The following SLC47A2 variants were observed in gnomAD, a reference collection of about 807,000 sequenced individuals.
SLC47A2 encodes multidrug and toxin extrusion protein 2.
A neutral mutation model predicts 67.7 loss-of-function variants in SLC47A2; 52 were observed. That is an observed-to-expected ratio of 0.77 (90% confidence interval 0.61 to 0.97). SLC47A2 has a LOEUF of 0.97. Among genes scored for constraint, SLC47A2 ranks in the 50% least tolerant of loss-of-function variants. SLC47A2 has a pLI of 0.00. For missense variants in SLC47A2, 676 were observed against 712.3 expected (o/e 0.95, Z 0.58); for synonymous variants, 278 against 292.9 (o/e 0.95, Z 0.52).
intron 7 of SLC47A2, 83 bp downstream of exon 7, chr17:19,708,219 T>G (rs1046682579): frequency 1.9e-5 from 28 of 1,493,796 alleles, no homozygotes; most frequent in Non-Finnish European, 2.4e-5. Context: ...AGGGCCAGGA[T>G]GGTGACTGAT....
At position 19,703,176 on chromosome 17, in the gene SLC47A2, G is replaced by C. The variant is rs200226278; in HGVS notation, c.1019-9C>G. On this transcript the variant is annotated splice_polypyrimidine_tract_variant and intron_variant, in intron 11 of 16. Coordinates refer to ENST00000433844, the MANE Select transcript of SLC47A2 (RefSeq NM_001099646.3). ...GACCAGGGAAATGCCAACTGGAAGA[G>C]ACAAAAGGTGCAGCAATGACAGACC... 6.2e-7 allele frequency: 1 copy of C among 1,613,942 alleles called. No homozygotes were observed. The highest frequency in any genetic ancestry group is 8.5e-7 in the Non-Finnish European group (1 of 1,179,888).
In SLC47A2 at chr17:19,706,661, C is replaced by A. The variant is rs1227095242; in HGVS notation, c.828G>T (p.Gly276=). ...TCTTCCACGTACCCATGAGGAAGCT[C>A]CCGATCTCATAGGCCCACCACTCAA... ...ICVEWWAYEI[G]SFLMGLLSVV... Residue 276 remains glycine (G), a synonymous_variant, in exon 9 of 17, where the codon GGG becomes GGT. Coordinates refer to ENST00000433844, the MANE Select transcript of SLC47A2 (RefSeq NM_001099646.3). 1.9e-6 allele frequency: 3 copies of A among 1,601,900 alleles called. No homozygotes were observed. Among genetic ancestry groups the A allele is most frequent in the Admixed American group, 1.8e-5 (1 of 56,916 alleles).
intron 13 of SLC47A2, among the ~76,000 whole-genome samples, chr17:19,698,093 T>G (rs769261679): frequency 6.6e-6 from 1 of 152,130 alleles, no homozygotes; most frequent in Non-Finnish European, 1.5e-5. Flanking sequence ...TTGTAGATAT[T>G]GACAAACTGA....
chr17:19,713,910 G>A lies in SLC47A2; in HGVS notation c.358C>T (p.Leu120Phe), dbSNP rs779160834. The A allele has an allele frequency of 6.2e-7, 1 of 1,613,874 alleles. No homozygotes were observed. Among genetic ancestry groups the A allele is most frequent in the Admixed American group, 1.7e-5 (1 of 60,020 alleles). ...GCCCAGCAAGGGAGGCAGCAGAGGA[G>A]CAGGACCAGCGCGCCCCGCTGCAGG... ...VILQRGALVL[L>F]LCCLPCWALF... Residue 120 changes from leucine (L) to phenylalanine (F), a missense_variant, in exon 4 of 17, where the codon CTC (leucine) becomes TTC (phenylalanine). Physicochemically the swap from Leu to Phe is conservative, Grantham distance 22. Transcript: ENST00000433844.
At chr17:19,691,593 A>G (rs1567620023) in intron 13 of SLC47A2, among the ~76,000 whole-genome samples, 1 of 152,236 alleles carries the variant, frequency 6.6e-6, no homozygotes, top group African/African-American at 2.4e-5. Context: ...GATGGTTACT[A>G]GAGGCTGGGA....
chr17:19,709,327 G>A (rs528349254), intron 5 of SLC47A2, among the ~76,000 whole-genome samples: 1 of 152,314 alleles, frequency 6.6e-6, no homozygotes, highest in Non-Finnish European at 1.5e-5. Context: ...GTGTGTTGGG[G>A]GGCACTGTAC....
At position 19,704,179 on chromosome 17, in the gene SLC47A2, C is replaced by G. The variant is rs767821848; in HGVS notation, c.910-1G>C. On this transcript the variant is annotated splice_acceptor_variant, in intron 10 of 16. Transcript: ENST00000433844. LOFTEE classifies it high-confidence loss of function. ...CCCCGATGCTGAGCCCCAAGGGAATCTGGGATCAAAGATAAGAAAGCACTG... is the reference window on the plus strand; with the variant it reads ...CCCCGATGCTGAGCCCCAAGGGAATGTGGGATCAAAGATAAGAAAGCACTG... 1 of 1,601,884 alleles carries G rather than the reference C, an allele frequency of 6.2e-7. No homozygotes were observed. The highest frequency in any genetic ancestry group is 1.1e-5 in the South Asian group (1 of 89,100).
chr17:19,707,852 G>T lies in SLC47A2; in HGVS notation c.630-9C>A. On this transcript the variant is annotated splice_polypyrimidine_tract_variant and intron_variant, in intron 7 of 16. Coordinates refer to ENST00000433844, the MANE Select transcript of SLC47A2 (RefSeq NM_001099646.3). Reference sequence around the variant, plus strand: ...TGGCATAGGCGGAGCCCCTGGGTAAGGAGGGAGAACAGGGCTGCGACTGAT... The same window carrying T: ...TGGCATAGGCGGAGCCCCTGGGTAATGAGGGAGAACAGGGCTGCGACTGAT... 1 of 1,582,116 alleles carries T rather than the reference G, an allele frequency of 6.3e-7. No homozygotes were observed. The highest frequency in any genetic ancestry group is 8.6e-7 in the Non-Finnish European group (1 of 1,164,642).
chr17:19,700,723 C>T (rs551450322), intron 13 of SLC47A2, among the ~76,000 whole-genome samples: 49 of 149,468 alleles, frequency 3.3e-4, no homozygotes, highest in Non-Finnish European at 6.6e-4. Context: ...TGAGATGGCA[C>T]CACTGCACTC....
intron 5 of SLC47A2, among the ~76,000 whole-genome samples, chr17:19,710,717 T>G (rs1051393900): frequency 3.3e-5 from 5 of 151,938 alleles, no homozygotes; most frequent in Non-Finnish European, 7.4e-5. Context: ...CCTCCCAAAG[T>G]GCTAGGATTA....
chr17:19,693,461 T>A (rs1267467061), intron 13 of SLC47A2, among the ~76,000 whole-genome samples: 2 of 152,020 alleles, frequency 1.3e-5, no homozygotes, highest in Non-Finnish European at 2.9e-5. Context: ...ATGTATGCTC[T>A]TTACACTTGG....
intron 16 of SLC47A2, among the ~76,000 whole-genome samples, chr17:19,679,694 C>A (rs1455373099): frequency 6.6e-6 from 1 of 152,006 alleles, no homozygotes; most frequent in Non-Finnish European, 1.5e-5. Context: ...AGCCTCACTT[C>A]CTCATCTGAA....
intron 9 of SLC47A2, 93 bp from the exon 10 acceptor site, chr17:19,705,596 G>C: frequency 8.1e-7 from 1 of 1,234,646 alleles, no homozygotes; most frequent in Non-Finnish European, 1.1e-6. Context: ...GGACTCAGGG[G>C]CTTTTTTTTT....
At position 19,713,081 on chromosome 17, in the gene SLC47A2, A is replaced by G. The variant is rs1049136299; in HGVS notation, c.444-336T>C. ...GGCATCCCTATGAGAGGGATTTATTATAAAATAAATTTAATAATAAACTAT... is the reference window on the plus strand; with the variant it reads ...GGCATCCCTATGAGAGGGATTTATTGTAAAATAAATTTAATAATAAACTAT... On this transcript the variant is annotated intron_variant, in intron 4 of 16. Transcript: ENST00000433844. Among the ~76,000 whole-genome samples, 3 of 152,236 alleles carry G rather than the reference A, an allele frequency of 2.0e-5. 1 individual carries two copies. Among genetic ancestry groups the G allele is most frequent in the South Asian group, 4.1e-4 (2 of 4,832 alleles).
In SLC47A2 at chr17:19,712,839, C is replaced by T. The variant is rs560449412; in HGVS notation, c.444-94G>A. Reference sequence around the variant, plus strand: ...TGTCCTCCAGGACTGGGTGCTCGGCCGCTGTCCCAGGGTCTCAGCCAGGAC... The same window carrying T: ...TGTCCTCCAGGACTGGGTGCTCGGCTGCTGTCCCAGGGTCTCAGCCAGGAC... On this transcript the variant is annotated intron_variant, in intron 4 of 16. Transcript: ENST00000433844. 38 of 1,241,686 alleles carry T rather than the reference C, an allele frequency of 3.1e-5. 1 individual carries two copies. Among genetic ancestry groups the T allele is most frequent in the Middle Eastern group, 2.3e-4 (1 of 4,298 alleles). The allele number at this position is 1,241,686 out of a possible 1,614,324, so 76.9% of individuals were successfully genotyped here.
rs528006711 is a variant in SLC47A2, at chr17:19,709,946, G to A, written c.487-1186C>T. Among the ~76,000 whole-genome samples, 93 of 152,222 alleles carry A rather than the reference G, an allele frequency of 6.1e-4. 3 individuals are homozygous for A. In the South Asian group the frequency reaches 0.017, roughly 29 times the overall value. ...AGAGCAGCCCTATAAGGGGGTTTCC[G>A]TAAACCAGAAAAAAATCTGTAACCA... is the stretch of plus-strand genomic sequence containing the variant. On this transcript the variant is annotated intron_variant, in intron 5 of 16. Transcript: ENST00000433844.
intron 13 of SLC47A2, among the ~76,000 whole-genome samples, chr17:19,693,430 A>C (rs2085586856): frequency 6.6e-6 from 1 of 152,098 alleles, no homozygotes; most frequent in African/African-American, 2.4e-5. Context: ...CTTTCCCCTT[A>C]ATAGTGGAAT....
intron 7 of SLC47A2, 43 bp downstream of exon 7, chr17:19,708,259 G>T: frequency 6.2e-7 from 1 of 1,601,912 alleles, no homozygotes; most frequent in Non-Finnish European, 8.5e-7. Flanking sequence ...AGAGCTCAGT[G>T]GGCAGTGTCC....
chr17:19,681,222 C>CA, intron 15 of SLC47A2, 145 bp downstream of exon 15: 1 of 677,916 alleles, frequency 1.5e-6, no homozygotes, highest in East Asian at 2.8e-5. Flanking sequence ...CACAAACAAA[C>CA]AAACAAAAAA....
Sources: gnomAD v4.1 joint callset for allele counts (sites outside exome capture counted in the v4.1 genomes callset) on GRCh38, gnomAD v4.1.1 for gene constraint, MANE v1.5 for transcripts, NCBI Gene and HGNC (gene_info 2026-07-23, HGNC 2026-07-21) for gene names.